Variants in SMOC2 observed in about 807,000 individuals in gnomAD.
The protein encoded by SMOC2 is SPARC-related modular calcium-binding protein 2.
A neutral mutation model predicts 61.4 loss-of-function variants in SMOC2; 39 were observed. The ratio of observed to expected loss-of-function variants is 0.64; its 90% CI spans 0.49 to 0.83. The LOEUF is 0.83. SMOC2 is among the 40% of genes least tolerant of loss of function. SMOC2 has a pLI of 0.00. For synonymous variants in SMOC2, 247 were observed against 239.9 expected (o/e 1.03, Z -0.27); for missense variants, 556 against 592.9 (o/e 0.94, Z 0.65).
At chr6:168,528,698 T>C (rs1783514280) in intron 4 of SMOC2, among the ~76,000 whole-genome samples, 1 of 152,236 alleles carries the variant, frequency 6.6e-6, no homozygotes, top group African/African-American at 2.4e-5. Flanking sequence ...TAAGGCCTAA[T>C]GTTTCCAGCG....
chr6:168,606,329 G>A (rs1223027127), intron 8 of SMOC2, among the ~76,000 whole-genome samples: 1 of 152,140 alleles, frequency 6.6e-6, no homozygotes, highest in African/African-American at 2.4e-5. Context: ...TAGCTTAACT[G>A]TTTGCCAGAG....
At chr6:168,588,705 A>G (rs1298048693) in intron 7 of SMOC2, among the ~76,000 whole-genome samples, 1 of 152,106 alleles carries the variant, frequency 6.6e-6, no homozygotes, top group African/African-American at 2.4e-5. Context: ...TATTTTCTCC[A>G]TTTTGCACTG....
Position 168,596,025 on chromosome 6 carries a change from GA to G in SMOC2, c.638-2792del, listed in dbSNP as rs1466575590. Among the ~76,000 whole-genome samples, 8 of 127,220 alleles carry G rather than the reference GA, an allele frequency of 6.3e-5. No individual in the cohort carries two copies. In the East Asian group the frequency reaches 2.0e-3, roughly 31 times the overall value. The allele number at this position is 127,220 out of a possible 152,430, so 83.5% of individuals were successfully genotyped here. On this transcript the variant is annotated intron_variant, in intron 7 of 12. Transcript: ENST00000356284. ...CTGAGTCTTCCTGGGTGCTGCTGGAGAGGCATGAACAAGCGCCACGTGAACA... is the reference window on the plus strand; with the variant it reads ...CTGAGTCTTCCTGGGTGCTGCTGGAGGGCATGAACAAGCGCCACGTGAACA...
chr6:168,525,319 T>A (rs2115073138), intron 2 of SMOC2, among the ~76,000 whole-genome samples: 1 of 152,288 alleles, frequency 6.6e-6, no homozygotes, highest in South Asian at 2.1e-4. Context: ...ATGGGCCTGG[T>A]TGATGCTGGG....
chr6:168,656,753 A>T (rs1391828417), intron 11 of SMOC2, among the ~76,000 whole-genome samples: 1 of 152,110 alleles, frequency 6.6e-6, no homozygotes, highest in Non-Finnish European at 1.5e-5. Flanking sequence ...ATGGCGACGC[A>T]CTTCCTGCTA....
At chr6:168,533,370 A>T (rs1439221619) in intron 4 of SMOC2, among the ~76,000 whole-genome samples, 1 of 152,214 alleles carries the variant, frequency 6.6e-6, no homozygotes, top group Admixed American at 6.5e-5. Flanking sequence ...CCTCCATCTG[A>T]AATGGTGGAA....
Position 168,543,688 on chromosome 6 carries a change from T to C in SMOC2, c.511+16T>C. 6.2e-7 allele frequency: 1 copy of C among 1,609,650 alleles called. No individual in the cohort carries two copies. Among genetic ancestry groups the C allele is most frequent in the Middle Eastern group, 1.7e-4 (1 of 6,046 alleles). ...GGAAAAACAGGTAACTATCTTAGAA[T>C]AAATGTCTATGACGATATGTAACAT... On this transcript the variant is annotated intron_variant, in intron 5 of 12. Transcript: ENST00000356284.
At chr6:168,609,284 G>T (rs1011597098) in intron 9 of SMOC2, among the ~76,000 whole-genome samples, 5 of 152,164 alleles carry the variant, frequency 3.3e-5, no homozygotes, top group African/African-American at 1.2e-4. Flanking sequence ...GTTCTTCATG[G>T]TTTCCCAGCC....
At chr6:168,603,759 C>G (rs1785618277) in intron 8 of SMOC2, among the ~76,000 whole-genome samples, 1 of 151,296 alleles carries the variant, frequency 6.6e-6, no homozygotes, top group Non-Finnish European at 1.5e-5. Flanking sequence ...GGATGGGGCA[C>G]AGCTTGAAGG....
chr6:168,605,717 G>A (rs1785669598), intron 8 of SMOC2, among the ~76,000 whole-genome samples: 1 of 152,208 alleles, frequency 6.6e-6, no homozygotes. Context: ...AAATGATCTA[G>A]TCTCGTGCCA....
rs530678832 is a variant in SMOC2 at position 168,560,473 on chromosome 6, T to C, written c.637+11270T>C. Reference sequence around the variant, plus strand: ...CTTTCAATAACTGAAGAAGAATGCGTCCTCTGTGCCCACCTTTCTGGCCCT... The same window carrying C: ...CTTTCAATAACTGAAGAAGAATGCGCCCTCTGTGCCCACCTTTCTGGCCCT... On this transcript the variant is annotated intron_variant, in intron 7 of 12. Coordinates refer to ENST00000356284, the MANE Select transcript of SMOC2 (RefSeq NM_001166412.2). 3.1e-4 allele frequency among the ~76,000 whole-genome samples: 47 copies of C among 152,308 alleles called. No individual in the cohort carries two copies. The South Asian group carries it at 6.0e-3, about 20-fold the overall frequency.
At position 168,666,781 on chromosome 6, in the gene SMOC2, A is replaced by C; in HGVS notation, c.*343A>C. The C allele has an allele frequency of 3.9e-6, 1 of 255,776 alleles. No homozygotes were observed. Among genetic ancestry groups the C allele is most frequent in the Non-Finnish European group, 7.5e-6 (1 of 133,212 alleles). The allele number at this position is 255,776 out of a possible 1,614,324, so 15.8% of individuals were successfully genotyped here. A position where few individuals can be genotyped will look rare whatever the true frequency, so the allele number is the denominator to read the frequency against. Reference sequence around the variant, plus strand: ...GGCTGCAATCGTATGGCTTTCTCTAACCCCTGCAGTCACTTCCAGATGCCT... The same window carrying C: ...GGCTGCAATCGTATGGCTTTCTCTACCCCCTGCAGTCACTTCCAGATGCCT... On this transcript the variant is annotated 3_prime_UTR_variant, in exon 13 of 13. Transcript: ENST00000356284.
chr6:168,453,448 CTGTCTCTGTG>C lies in SMOC2; in HGVS notation c.84+12002_84+12011del, dbSNP rs1047147757. On this transcript the variant is annotated intron_variant, in intron 1 of 12. Coordinates refer to ENST00000356284, the MANE Select transcript of SMOC2 (RefSeq NM_001166412.2). The surrounding 1 kb of genome is among the most constrained non-coding windows in gnomAD (Gnocchi z 4.4). ...TAGAGGCTAGGCTCTCTCTTTCTCT[CTGTCTCTGTG>C]TGTCTCTCAGTTCTGTCTCTCAGTT... is the stretch of plus-strand genomic sequence containing the variant. Among the ~76,000 whole-genome samples, 4 of 152,188 alleles carry C rather than the reference CTGTCTCTGTG, an allele frequency of 2.6e-5. No homozygotes were observed. Among genetic ancestry groups the C allele is most frequent in the African/African-American group, 9.6e-5 (4 of 41,452 alleles).
At chr6:168,624,791 A>C (rs1418894723) in intron 9 of SMOC2, among the ~76,000 whole-genome samples, 2 of 115,770 alleles carry the variant, frequency 1.7e-5, no homozygotes, top group Non-Finnish European at 3.7e-5. Flanking sequence ...ATACAGATAC[A>C]CACAGACACA....
At chr6:168,632,360 T>G (rs2342645) in intron 9 of SMOC2, among the ~76,000 whole-genome samples, 59,578 of 152,102 alleles carry the variant, frequency 0.39, 12,067 homozygotes, top group South Asian at 0.48. Flanking sequence ...TTTGACAAAT[T>G]TTTGTGAGAT....
chr6:168,577,046 G>C (rs925850558), intron 7 of SMOC2, among the ~76,000 whole-genome samples: 2 of 150,914 alleles, frequency 1.3e-5, no homozygotes, highest in African/African-American at 5.0e-5. Context: ...ATGGCCCCTT[G>C]CCTGTTGAAA....
At chr6:168,546,864 A>C (rs2115103389) in intron 5 of SMOC2, among the ~76,000 whole-genome samples, 1 of 152,296 alleles carries the variant, frequency 6.6e-6, no homozygotes, top group South Asian at 2.1e-4. Flanking sequence ...ATAGTTTAGA[A>C]CTGATCGGAT....
chr6:168,624,765 G>GCACACAGACACAACAATACAGATA (rs1786350795), intron 9 of SMOC2, among the ~76,000 whole-genome samples: 1 of 101,248 alleles, frequency 9.9e-6, no homozygotes, highest in East Asian at 2.7e-4. Flanking sequence ...ACAGACACAT[G>GCACACAGACACAACAATACAGATA]CACACAGACA....
At chr6:168,522,923 C>G (rs2115069629) in intron 2 of SMOC2, among the ~76,000 whole-genome samples, 1 of 152,152 alleles carries the variant, frequency 6.6e-6, no homozygotes, top group South Asian at 2.1e-4. Context: ...TGGGGAATGG[C>G]AGCTTAACGG....
Sources: allele counts gnomAD v4.1 joint callset (sites outside exome capture counted in the v4.1 genomes callset), GRCh38; gene constraint gnomAD v4.1.1; non-coding constraint Gnocchi (gnomAD v3.1); transcripts MANE v1.5; gene names NCBI Gene and HGNC (gene_info 2026-07-23, HGNC 2026-07-21).